KLHL3: variants seen among roughly 807,000 people sequenced by gnomAD.
The protein encoded by KLHL3 is kelch-like protein 3.
KLHL3 carries 19 observed loss-of-function variants against 70.5 expected under a neutral mutation model. The ratio of observed to expected loss-of-function variants is 0.27; its 90% CI spans 0.19 to 0.40. The LOEUF (loss-of-function observed/expected upper bound fraction) is 0.40, where lower values mean the gene tolerates loss of function less well. KLHL3 is among the 10% of genes least tolerant of loss of function. The pLI is 1.00. For missense variants in KLHL3, 512 were observed against 771.1 expected, an observed-to-expected ratio of 0.66 and a Z score of 3.98; for synonymous variants, 258 against 290.3, an observed-to-expected ratio of 0.89 and a Z score of 1.13.
intron 6 of KLHL3, among the ~76,000 whole-genome samples, chr5:137,662,284 C>CA (rs1554092444): frequency 2.2e-5 from 3 of 138,590 alleles, no homozygotes; most frequent in Non-Finnish European, 3.1e-5. Flanking sequence ...CACACACACA[C>CA]AAGGACAAAC....
At chr5:137,714,655 G>A (rs148556967) in intron 2 of KLHL3, among the ~76,000 whole-genome samples, 18 of 152,212 alleles carry the variant, frequency 1.2e-4, no homozygotes, top group Non-Finnish European at 1.3e-4. Context: ...ACTATGGAGG[G>A]GATGACTGCT....
intron 2 of KLHL3, among the ~76,000 whole-genome samples, chr5:137,718,039 T>C (rs1419126955): frequency 6.6e-6 from 1 of 152,248 alleles, no homozygotes; most frequent in Non-Finnish European, 1.5e-5. Flanking sequence ...ACAAGTTTAG[T>C]GCAGGACTTC....
At chr5:137,643,633 G>A (rs1372733210) in intron 8 of KLHL3, among the ~76,000 whole-genome samples, 3 of 152,048 alleles carry the variant, frequency 2.0e-5, no homozygotes, top group Non-Finnish European at 1.5e-5. Context: ...CATATTTATG[G>A]GGTACAGTGT....
At chr5:137,728,478 G>A (rs567123500) in intron 1 of KLHL3, among the ~76,000 whole-genome samples, 1 of 152,036 alleles carries the variant, frequency 6.6e-6, no homozygotes, top group Admixed American at 6.6e-5. Flanking sequence ...TCCACCTCAC[G>A]TTCAGAGAGG....
chr5:137,677,679 G>A, intron 5 of KLHL3, 25 bp from the exon 6 acceptor site: 3 of 1,359,618 alleles, frequency 2.2e-6, no homozygotes, highest in Non-Finnish European at 3.0e-6. Context: ...AAAAAAAGAA[G>A]TTAAGAAAAC....
intron 1 of KLHL3, among the ~76,000 whole-genome samples, chr5:137,733,835 A>T (rs1214089027): frequency 6.6e-6 from 1 of 152,172 alleles, no homozygotes; most frequent in Non-Finnish European, 1.5e-5. Flanking sequence ...TGGGAACAGG[A>T]GTTAGAGTTC....
At chr5:137,668,719 C>G (rs1162811077) in intron 6 of KLHL3, among the ~76,000 whole-genome samples, 1 of 152,304 alleles carries the variant, frequency 6.6e-6, no homozygotes, top group Non-Finnish European at 1.5e-5. Flanking sequence ...CCAGGGACAA[C>G]TGGGAGCAGT....
At chr5:137,684,444 A>T (rs563660485) in intron 5 of KLHL3, among the ~76,000 whole-genome samples, 9 of 152,258 alleles carry the variant, frequency 5.9e-5, no homozygotes, top group African/African-American at 2.2e-4. Flanking sequence ...TCATTCCATG[A>T]TCTCAAATGA....
intron 1 of KLHL3, among the ~76,000 whole-genome samples, chr5:137,733,241 AC>A (rs1440647749): frequency 6.6e-6 from 1 of 152,120 alleles, no homozygotes; most frequent in African/African-American, 2.4e-5. Context: ...TTCTCCCCCT[AC>A]CTCAAAGCAT....
intron 1 of KLHL3, among the ~76,000 whole-genome samples, chr5:137,727,698 C>A (rs1753107455): frequency 6.6e-6 from 1 of 152,164 alleles, no homozygotes; most frequent in South Asian, 2.1e-4. Flanking sequence ...CCCTCTCATT[C>A]TCCACTACTC....
intron 8 of KLHL3, among the ~76,000 whole-genome samples, chr5:137,657,438 A>T (rs1299494847): frequency 1.3e-5 from 2 of 152,226 alleles, no homozygotes; most frequent in African/African-American, 4.8e-5. Context: ...AGCATCCCTC[A>T]TTCTATAGAT....
chr5:137,626,492 G>A (rs150541848), intron 13 of KLHL3, among the ~76,000 whole-genome samples: 2 of 152,300 alleles, frequency 1.3e-5, no homozygotes, highest in African/African-American at 4.8e-5. Flanking sequence ...CAGGGTCTAA[G>A]GCATAGGAAA....
At chr5:137,641,324 T>C (rs1204670068) in intron 8 of KLHL3, among the ~76,000 whole-genome samples, 3 of 152,168 alleles carry the variant, frequency 2.0e-5, no homozygotes, top group East Asian at 3.8e-4. Context: ...CTAGAGGACT[T>C]GTGAAAACAC....
chr5:137,628,588 A>G, intron 12 of KLHL3, 151 bp from the exon 13 acceptor site: 1 of 673,924 alleles, frequency 1.5e-6, no homozygotes, highest in Non-Finnish European at 2.4e-6. Context: ...CTCATCTGTA[A>G]AACAAATATA....
intron 5 of KLHL3, among the ~76,000 whole-genome samples, chr5:137,681,664 A>C (rs1042494755): frequency 1.3e-5 from 2 of 152,152 alleles, no homozygotes; most frequent in African/African-American, 4.8e-5. Flanking sequence ...ATGGGTTAAA[A>C]GAGAGTTATT....
intron 1 of KLHL3, among the ~76,000 whole-genome samples, chr5:137,728,176 C>T (rs1421923262): frequency 6.6e-6 from 1 of 152,044 alleles, no homozygotes. Flanking sequence ...TAACTGGCTC[C>T]GAAAATTCCT....
intron 5 of KLHL3, among the ~76,000 whole-genome samples, chr5:137,688,702 GT>G (rs1187559549): frequency 6.6e-6 from 1 of 152,196 alleles, no homozygotes; most frequent in African/African-American, 2.4e-5. Flanking sequence ...CCTGCCTTCT[GT>G]CCCTTCTGTC....
intron 14 of KLHL3, 38 bp downstream of exon 14, chr5:137,625,715 A>G: frequency 6.2e-7 from 1 of 1,611,496 alleles, no homozygotes; most frequent in Non-Finnish European, 8.5e-7. Flanking sequence ...AGTGTGTTGG[A>G]GGCCTCTCGG....
intron 6 of KLHL3, among the ~76,000 whole-genome samples, chr5:137,667,431 T>A (rs953806414): frequency 1.3e-5 from 2 of 152,228 alleles, no homozygotes; most frequent in African/African-American, 4.8e-5. Context: ...ATTAATGTCC[T>A]AGAACCAATT....
Sources: gnomAD v4.1 joint callset for allele counts (sites outside exome capture counted in the v4.1 genomes callset) on GRCh38, gnomAD v4.1.1 for gene constraint, MANE v1.5 for transcripts, NCBI Gene and HGNC (gene_info 2026-07-23, HGNC 2026-07-21) for gene names.